PTPRM: variants seen among roughly 807,000 people sequenced by gnomAD.
PTPRM encodes protein tyrosine phosphatase receptor type M.
Under a neutral mutation model 186.7 loss-of-function variants are expected in PTPRM, and 47 were observed. The observed-to-expected ratio is 0.25, with a 90% CI of 0.20 to 0.32. The LOEUF (loss-of-function observed/expected upper bound fraction) is 0.32, where lower values mean the gene tolerates loss of function less well. PTPRM is among the 10% of genes least tolerant of loss of function. PTPRM has a pLI of 1.00. For synonymous variants in PTPRM, 668 were observed against 674.9 expected, an observed-to-expected ratio of 0.99 and a Z score of 0.16; for missense variants, 1,494 against 1,865.0, an observed-to-expected ratio of 0.80 and a Z score of 3.66.
At chr18:8,289,444 G>GTA in intron 19 of PTPRM, among the ~76,000 whole-genome samples, 1 of 113,108 alleles carries the variant, frequency 8.8e-6, no homozygotes, top group African/African-American at 3.7e-5. Context: ...GTATATATAC[G>GTA]TATATATGTA....
chr18:7,749,323 A>T (rs1452462386), intron 1 of PTPRM: 2 of 141,934 alleles, frequency 1.4e-5, no homozygotes, highest in African/African-American at 5.3e-5. Context: ...GTTGTGAGTT[A>T]AAAAAAAAAA....
At position 7,904,142 on chromosome 18, in the gene PTPRM, GA is replaced by G. The variant is rs912166588; in HGVS notation, c.469-2360del. Among the ~76,000 whole-genome samples, 193 of 152,156 alleles carry G rather than the reference GA, an allele frequency of 1.3e-3. 1 individual carries two copies. Among genetic ancestry groups the G allele is most frequent in the African/African-American group, 4.6e-3 (191 of 41,504 alleles). On this transcript the variant is annotated intron_variant, in intron 3 of 32. Coordinates refer to ENST00000580170, the MANE Select transcript of PTPRM (RefSeq NM_001105244.2). ...TAACTTATAATTACTTTTATAAATT[GA>G]AATTTTTATGGAAATCATTGTAGAG...
At chr18:7,935,824 C>G (rs148506203) in intron 5 of PTPRM, among the ~76,000 whole-genome samples, 60 of 152,208 alleles carry the variant, frequency 3.9e-4, no homozygotes, top group African/African-American at 1.4e-3. Flanking sequence ...TCCTCCCACC[C>G]TCCACCCTAA....
chr18:7,706,508 A>G (rs2040092124), intron 1 of PTPRM, among the ~76,000 whole-genome samples: 1 of 145,878 alleles, frequency 6.9e-6, no homozygotes, highest in African/African-American at 2.5e-5. Context: ...AGGCTAAGGT[A>G]GAAGGATTGC....
At chr18:7,721,201 T>G (rs1255874464) in intron 1 of PTPRM, among the ~76,000 whole-genome samples, 1 of 152,042 alleles carries the variant, frequency 6.6e-6, no homozygotes, top group Non-Finnish European at 1.5e-5. Context: ...GATTGGGTTT[T>G]GATTTGCGTT....
At chr18:8,254,051 A>C (rs923932995) in intron 19 of PTPRM, among the ~76,000 whole-genome samples, 1 of 152,138 alleles carries the variant, frequency 6.6e-6, no homozygotes, top group African/African-American at 2.4e-5. Context: ...TCATTATCTC[A>C]GGAAGAAACT....
At chr18:7,931,016 A>C (rs760819614) in intron 5 of PTPRM, among the ~76,000 whole-genome samples, 3 of 152,036 alleles carry the variant, frequency 2.0e-5, no homozygotes, top group Non-Finnish European at 4.4e-5. Context: ...ATCCATTGTT[A>C]CAGCTACAAA....
At chr18:7,735,843 AT>A (rs35328733) in intron 1 of PTPRM, among the ~76,000 whole-genome samples, 12,300 of 141,140 alleles carry the variant, frequency 0.087, 1,259 homozygotes, top group African/African-American at 0.25. Context: ...AAAGTCAAGC[AT>A]TTTTTTTTTT....
intron 1 of PTPRM, chr18:7,749,331 A>AC (rs1286283652): frequency 6.6e-6 from 1 of 152,058 alleles, no homozygotes; most frequent in African/African-American, 2.4e-5. Flanking sequence ...TTAAAAAAAA[A>AC]AACAACAAAA....
intron 23 of PTPRM, among the ~76,000 whole-genome samples, chr18:8,362,454 A>G (rs2095602831): frequency 1.3e-5 from 2 of 152,164 alleles, no homozygotes; most frequent in Non-Finnish European, 2.9e-5. Flanking sequence ...GTGTAGCATC[A>G]AAGTGCAGCA....
At chr18:8,086,399 C>T (rs531358907) in intron 10 of PTPRM, among the ~76,000 whole-genome samples, 5 of 152,016 alleles carry the variant, frequency 3.3e-5, no homozygotes, top group Non-Finnish European at 7.4e-5. Context: ...TAACAAAAGA[C>T]GTAATTTGAG....
chr18:7,784,846 T>TG (rs2043022653), intron 2 of PTPRM, among the ~76,000 whole-genome samples: 1 of 152,224 alleles, frequency 6.6e-6, no homozygotes. Context: ...GAAGTGGTGT[T>TG]GCAAGTGAAT....
In PTPRM at chr18:7,767,225, G is replaced by A. The variant is rs149474952; in HGVS notation, c.74-6924G>A. Among the ~76,000 whole-genome samples, 1,019 of 152,262 alleles carry A rather than the reference G, an allele frequency of 6.7e-3. 9 individuals are homozygous for A. The highest frequency in any genetic ancestry group is 0.022 in the African/African-American group (925 of 41,548). ...CCCCAAAACCTTAAGAATACAAGTA[G>A]CAATCTTGAAGGATCTTGAAATCAA... On this transcript the variant is annotated intron_variant, in intron 1 of 32. Coordinates refer to ENST00000580170, the MANE Select transcript of PTPRM (RefSeq NM_001105244.2).
At chr18:7,744,288 G>A (rs376408326) in intron 1 of PTPRM, among the ~76,000 whole-genome samples, 2 of 152,168 alleles carry the variant, frequency 1.3e-5, no homozygotes, top group South Asian at 2.1e-4. Context: ...GAGTGCTGAG[G>A]TTTTTGTCCT....
chr18:8,302,979 T>G (rs1198052989), intron 20 of PTPRM, among the ~76,000 whole-genome samples: 1 of 152,010 alleles, frequency 6.6e-6, no homozygotes, highest in Non-Finnish European at 1.5e-5. Flanking sequence ...TGCTGTGAAA[T>G]CTGAAAGAGA....
intron 22 of PTPRM, among the ~76,000 whole-genome samples, chr18:8,330,860 T>C (rs1273131707): frequency 6.6e-6 from 1 of 152,134 alleles, no homozygotes; most frequent in Non-Finnish European, 1.5e-5. Flanking sequence ...CCTGCGCCTC[T>C]TTTTAGCTCC....
intron 2 of PTPRM, among the ~76,000 whole-genome samples, chr18:7,846,739 T>C (rs2046616515): frequency 6.6e-6 from 1 of 152,198 alleles, no homozygotes; most frequent in African/African-American, 2.4e-5. Context: ...TTGCCTGCTT[T>C]CCTGTCCTAA....
At chr18:8,208,942 G>C (rs1007799252) in intron 14 of PTPRM, among the ~76,000 whole-genome samples, 1 of 152,310 alleles carries the variant, frequency 6.6e-6, no homozygotes, top group Non-Finnish European at 1.5e-5. Context: ...TGCTCTGGGA[G>C]GGGACAGCAA....
chr18:7,768,374 TC>T (rs2042111994), intron 1 of PTPRM, among the ~76,000 whole-genome samples: 1 of 151,996 alleles, frequency 6.6e-6, no homozygotes, highest in Non-Finnish European at 1.5e-5. Flanking sequence ...GTGCCTGTGG[TC>T]CCAGGTACTC....
Sources: gnomAD v4.1 joint callset for allele counts (sites outside exome capture counted in the v4.1 genomes callset) on GRCh38, gnomAD v4.1.1 for gene constraint, MANE v1.5 for transcripts, NCBI Gene and HGNC (gene_info 2026-07-23, HGNC 2026-07-21) for gene names.